Variants in ACACB observed in about 807,000 individuals in gnomAD.
ACACB encodes acetyl-CoA carboxylase beta.
A neutral mutation model predicts 278.8 loss-of-function variants in ACACB; 209 were observed. The observed-to-expected ratio is 0.75, with a 90% CI of 0.67 to 0.84. The LOEUF (loss-of-function observed/expected upper bound fraction) is 0.84, where lower values mean the gene tolerates loss of function less well. Among genes scored for constraint, ACACB ranks in the 40% least tolerant of loss-of-function variants. The pLI, the probability that ACACB is intolerant of heterozygous loss-of-function variation, is 0.00. For synonymous variants in ACACB, 1,174 were observed against 1,285.6 expected (o/e 0.91, Z 1.86); for missense variants, 2,850 against 3,269.0 (o/e 0.87, Z 3.13).
chr12:109,199,740 G>C (rs539009013), intron 18 of ACACB, among the ~76,000 whole-genome samples, 188 bp downstream of exon 18: 2 of 152,282 alleles, frequency 1.3e-5, no homozygotes, highest in Non-Finnish European at 2.9e-5. Context: ...CAGGCTGGGC[G>C]TGGTGGTTCA....
At chr12:109,136,300 T>A (rs2042965765) in intron 1 of ACACB, among the ~76,000 whole-genome samples, 3 of 152,238 alleles carry the variant, frequency 2.0e-5, no homozygotes, top group Admixed American at 1.3e-4. Flanking sequence ...ACATATTTTT[T>A]AAGATTGTTT....
intron 17 of ACACB, among the ~76,000 whole-genome samples, chr12:109,198,861 A>C (rs535397692): frequency 4.1e-4 from 62 of 152,040 alleles, no homozygotes; most frequent in African/African-American, 1.4e-3. Flanking sequence ...CCTGGCCTCA[A>C]GCCATCCTCC....
rs866118060 is a variant in ACACB, at chr12:109,260,591, C to A, written c.6608C>A (p.Ser2203Tyr). ...CCCTATGCGGAGCTCCGGGGAGGCT[C>A]CTGGGTGGTCATAGATGCCACCATC... ...IPPYAELRGG[S>Y]WVVIDATINP... Residue 2203 changes from serine to tyrosine, a missense_variant, in exon 48 of 53, where the codon TCC (serine) becomes TAC (tyrosine). Ser to Tyr is a moderately radical substitution (Grantham distance 144). Transcript: ENST00000338432. 14 of 1,611,852 alleles carry A rather than the reference C, an allele frequency of 8.7e-6. No individual in the cohort carries two copies. The Middle Eastern group carries it at 1.5e-3, about 171-fold the overall frequency.
At chr12:109,212,971 C>A in intron 22 of ACACB, 35 bp downstream of exon 22, 2 of 1,583,716 alleles carry the variant, frequency 1.3e-6, no homozygotes, top group South Asian at 2.2e-5. Context: ...ATGTGGTTGT[C>A]ACCTGAATCG....
intron 13 of ACACB, among the ~76,000 whole-genome samples, chr12:109,191,273 G>A (rs986737017): frequency 6.6e-6 from 1 of 151,490 alleles, no homozygotes; most frequent in Admixed American, 6.6e-5. Flanking sequence ...GAGTGCAGTG[G>A]TGTGATCTCA....
intron 24 of ACACB, among the ~76,000 whole-genome samples, 190 bp from the exon 25 acceptor site, chr12:109,222,317 A>AGTGAGTGAG (rs2046192389): frequency 1.1e-5 from 1 of 92,666 alleles, no homozygotes; most frequent in South Asian, 3.3e-4. Flanking sequence ...GAGTGAGTGA[A>AGTGAGTGAG]TGAATGACTG....
intron 33 of ACACB, 139 bp from the exon 34 acceptor site, chr12:109,237,026 T>C (rs747167500): frequency 1.5e-5 from 12 of 807,628 alleles, no homozygotes; most frequent in Non-Finnish European, 2.3e-5. Context: ...TTAGGGAACA[T>C]CATGAATGCT....
At position 109,188,141 on chromosome 12, in the gene ACACB, A is replaced by C. The variant is rs2044728368; in HGVS notation, c.2123A>C (p.Glu708Ala). The C allele has an allele frequency of 6.2e-7, 1 of 1,604,256 alleles. No individual in the cohort carries two copies. The highest frequency in any genetic ancestry group is 1.1e-5 in the South Asian group (1 of 90,780). The change falls in exon 13 of 53, where the codon GAG becomes GCG. Residue 708 changes from glutamate (E) to alanine (A), a missense_variant. Glu to Ala is a moderately radical substitution (Grantham distance 107). This residue lies in a region of ACACB where 2,265 missense variants were observed against 2,561.3 expected (regional missense o/e 0.88). Coordinates refer to ENST00000338432, the MANE Select transcript of ACACB (RefSeq NM_001093.4). ...SQFGHCFSWG[E>A]NREEAISNMV... Reference sequence around the variant, plus strand: ...TTTGGGCACTGCTTCTCCTGGGGAGAGAACCGGGAAGAGGCCATTTCGTCA... The same window carrying C: ...TTTGGGCACTGCTTCTCCTGGGGAGCGAACCGGGAAGAGGCCATTTCGTCA...
chr12:109,158,502 C>A (rs1026029205), intron 2 of ACACB, among the ~76,000 whole-genome samples: 2 of 151,892 alleles, frequency 1.3e-5, no homozygotes, highest in Non-Finnish European at 2.9e-5. Flanking sequence ...CATGATGAAA[C>A]CCCGTCTCTA....
In ACACB at chr12:109,167,987, TC is replaced by T; in HGVS notation, c.880del (p.Arg294GlyfsTer4). 3.1e-6 allele frequency: 5 copies of T among 1,613,818 alleles called. No homozygotes were observed. Among genetic ancestry groups the T allele is most frequent in the Non-Finnish European group, 4.2e-6 (5 of 1,179,928 alleles). On this transcript the variant is annotated frameshift_variant, in exon 4 of 53. Coordinates refer to ENST00000338432, the MANE Select transcript of ACACB (RefSeq NM_001093.4). LOFTEE classifies it high-confidence loss of function. Reference sequence around the variant, plus strand: ...GAGATGTTCCGCAACGAGCGGGCCATCCGGTTTGTTGTGATGGTGACCCCCG... The same window carrying T: ...GAGATGTTCCGCAACGAGCGGGCCATCGGTTTGTTGTGATGGTGACCCCCG... ...AYEMFRNERA[I>X]RFVVMVTPED...
In ACACB at chr12:109,197,064, G is replaced by A; in HGVS notation, c.2538G>A (p.Glu846=). 4 of 1,596,034 alleles carry A rather than the reference G, an allele frequency of 2.5e-6. No homozygotes were observed. The highest frequency in any genetic ancestry group is 3.4e-6 in the Non-Finnish European group (4 of 1,173,070). ...TCATCATGAATGGCTGCCACATCGA[G>A]ATTGATGCCCACCGGCTGAATGATG... ...FVLIMNGCHI[E]IDAHRLNDGG... Residue 846 remains glutamate, a synonymous_variant, in exon 17 of 53, where the codon GAG becomes GAA. Coordinates refer to ENST00000338432, the MANE Select transcript of ACACB (RefSeq NM_001093.4).
intron 38 of ACACB, 60 bp from the exon 39 acceptor site, chr12:109,246,119 T>TA: frequency 6.5e-7 from 1 of 1,532,006 alleles, no homozygotes; most frequent in South Asian, 1.3e-5. Flanking sequence ...TAAAATAAAA[T>TA]AAAAAGTTTT....
chr12:109,140,203 C>T, intron 2 of ACACB, 145 bp downstream of exon 2: 1 of 666,364 alleles, frequency 1.5e-6, no homozygotes, highest in Non-Finnish European at 2.2e-6. Context: ...AAGACACGAG[C>T]CTTCTCAGAA....
At chr12:109,178,554 A>G (rs1345265433) in intron 9 of ACACB, among the ~76,000 whole-genome samples, 2 of 152,210 alleles carry the variant, frequency 1.3e-5, no homozygotes, top group African/African-American at 4.8e-5. Context: ...AGATTTTACC[A>G]TTTCACAGAG....
intron 11 of ACACB, among the ~76,000 whole-genome samples, chr12:109,182,557 A>T (rs909547547): frequency 2.0e-5 from 3 of 152,064 alleles, no homozygotes; most frequent in African/African-American, 7.2e-5. Context: ...TTTTGTACAG[A>T]TAAGGTCTCA....
At chr12:109,252,331 A>G in intron 42 of ACACB, 175 bp downstream of exon 42, 1 of 486,144 alleles carries the variant, frequency 2.1e-6, no homozygotes, top group Non-Finnish European at 3.6e-6. Context: ...AGAAAAAAAA[A>G]ATTAGTTTTA....
chr12:109,179,267 C>G lies in ACACB; in HGVS notation c.1617C>G (p.Ala539=), dbSNP rs1481490939. The part of the protein sequence containing the change: ...KIVEEAPATI[A]PLAIFEFMEQ... ...TTGAGGAAGCACCGGCCACCATCGC[C>G]CCGCTGGCCATATTCGAGTTCATGG... Residue 539 remains alanine, a synonymous_variant, in exon 10 of 53, where the codon GCC becomes GCG. Transcript: ENST00000338432. 1 of 1,613,706 alleles carries G rather than the reference C, an allele frequency of 6.2e-7. No individual in the cohort carries two copies. Among genetic ancestry groups the G allele is most frequent in the Non-Finnish European group, 8.5e-7 (1 of 1,180,016 alleles).
In ACACB at chr12:109,253,149, T is replaced by C. The variant is rs1194953367; in HGVS notation, c.6036T>C (p.Tyr2012=). 1 of 1,588,012 alleles carries C rather than the reference T, an allele frequency of 6.3e-7. No individual in the cohort carries two copies. The highest frequency in any genetic ancestry group is 1.3e-5 in the African/African-American group (1 of 74,650). Residue 2012 remains tyrosine (Y), a synonymous_variant, in exon 43 of 53, where the codon TAT becomes TAC. Transcript: ENST00000338432. ...ATACCATCCTGGAGTGGCTGTCCTA[T>C]ATGCCAAAGGTGCAGTACTCCCCCT... ...GVYTILEWLS[Y]MPKDNHSPVP... is the part of the protein sequence containing the mutation.
chr12:109,210,396 T>C (rs2045777938), intron 21 of ACACB, among the ~76,000 whole-genome samples: 1 of 144,858 alleles, frequency 6.9e-6, no homozygotes, highest in South Asian at 2.1e-4. Flanking sequence ...TGTATATATG[T>C]ATATACACGC....
Sources: allele counts gnomAD v4.1 joint callset (sites outside exome capture counted in the v4.1 genomes callset), GRCh38; gene constraint gnomAD v4.1.1; regional missense constraint gnomAD v4.1.1; transcripts MANE v1.5; gene names NCBI Gene and HGNC (gene_info 2026-07-23, HGNC 2026-07-21).